HLA-DQA1: variants seen among roughly 807,000 people sequenced by gnomAD.
The protein encoded by HLA-DQA1 is major histocompatibility complex, class II, DQ alpha 1, also known as HLA class II histocompatibility antigen, DQ alpha 1 chain.
In HLA-DQA1, 10 loss-of-function variants were observed where a neutral mutation model predicts 20.7. That is an observed-to-expected ratio of 0.48 (90% CI 0.30 to 0.82). The LOEUF (loss-of-function observed/expected upper bound fraction) is 0.82. Ranked by LOEUF, HLA-DQA1 falls within the 40% of genes least tolerant of loss-of-function variation. HLA-DQA1 has a pLI of 0.07. For synonymous variants in HLA-DQA1, 39 were observed against 109.2 expected (o/e 0.36, Z 4.01); for missense variants, 127 against 293.0 (o/e 0.43, Z 4.14).
chr6:32,641,314 C>A lies in HLA-DQA1; in HGVS notation c.87C>A (p.Asp29Glu). The A allele has an allele frequency of 7.9e-7, 1 of 1,259,680 alleles. No homozygotes were observed. Among genetic ancestry groups the A allele is most frequent in the Non-Finnish European group, 1.1e-6 (1 of 908,796 alleles). The allele number at this position is 1,259,680 out of a possible 1,614,324, so 78.0% of individuals were successfully genotyped here. A position where few individuals can be genotyped will look rare whatever the true frequency, so the allele number is the denominator to read the frequency against. The change falls in exon 2 of 5, where the codon GAC (aspartate) becomes GAA (glutamate). Residue 29 changes from aspartate (D) to glutamate (E), a missense_variant. Coordinates refer to ENST00000343139, the MANE Select transcript of HLA-DQA1 (RefSeq NM_002122.5). ...CTTGTCATCTTCACTCATCAGCTGA[C>A]CACGTTGCCTCTTGTGGTGTAAACT... ...SPCGGEDIVA[D>E]HVASCGVNLY...
At chr6:32,649,449 A>G (rs1264988727), downstream of HLA-DQA1, among the ~76,000 whole-genome samples, 2 of 97,396 alleles carry the variant, frequency 2.1e-5, 1 homozygote, top group Non-Finnish European at 4.6e-5. Flanking sequence ...CTACAAGGCT[A>G]CAGTAACCAA....
chr6:32,653,002 C>G, the HLA-DQA1 span, among the ~76,000 whole-genome samples: 1 of 148,996 alleles, frequency 6.7e-6, no homozygotes, highest in Admixed American at 6.7e-5. Context: ...TACCCCCACA[C>G]TGACCAGTCA....
downstream of HLA-DQA1, among the ~76,000 whole-genome samples, chr6:32,651,506 C>T (rs1414770666): frequency 6.6e-5 from 5 of 75,652 alleles, 2 homozygotes; most frequent in African/African-American, 1.4e-4. Flanking sequence ...ATGGCGTGAA[C>T]GCGGGAGGTG....
rs1038057918 is a variant in HLA-DQA1, at chr6:32,638,429, T to C, written c.82+889T>C. Among the ~76,000 whole-genome samples the C allele has an allele frequency of 4.4e-5, 5 of 114,938 alleles. 1 individual carries two copies. The highest frequency in any genetic ancestry group is 3.0e-4 in the Admixed American group (3 of 10,078). The allele number at this position is 114,938 out of a possible 152,430, so 75.4% of individuals were successfully genotyped here. A position where few individuals can be genotyped will look rare whatever the true frequency, so the allele number is the denominator to read the frequency against. ...GCTCATGCCTGTAATCCCAGCACTT[T>C]GGGAGGCCGAGGCAGGAGGATCATT... On this transcript the variant is annotated intron_variant, in intron 1 of 4. Coordinates refer to ENST00000343139, the MANE Select transcript of HLA-DQA1 (RefSeq NM_002122.5).
intron 1 of HLA-DQA1, among the ~76,000 whole-genome samples, chr6:32,641,058 G>A (rs1233218763): frequency 8.9e-6 from 1 of 112,256 alleles, no homozygotes; most frequent in Non-Finnish European, 2.0e-5. Context: ...CAGGCACTCA[G>A]GAAATAGTAA....
chr6:32,647,178 T>C (rs1398586354), downstream of HLA-DQA1: 3 of 100,962 alleles, frequency 3.0e-5, no homozygotes, highest in Non-Finnish European at 4.5e-5. Flanking sequence ...TTTTAAAACA[T>C]GGTACTCAGC....
chr6:32,641,101 G>A (rs1237987737), intron 1 of HLA-DQA1, among the ~76,000 whole-genome samples: 1 of 114,100 alleles, frequency 8.8e-6, no homozygotes. Flanking sequence ...CCCTTGTGTA[G>A]CGCACACTAG....
the HLA-DQA1 span, among the ~76,000 whole-genome samples, chr6:32,652,743 CT>C: frequency 0.55 from 76,310 of 138,506 alleles, 21,848 homozygotes; most frequent in Middle Eastern, 0.69. Flanking sequence ...ATGTCAATAA[CT>C]TTCATCTTCT....
the HLA-DQA1 span, among the ~76,000 whole-genome samples, chr6:32,653,420 C>T: frequency 2.1e-5 from 2 of 94,524 alleles, 1 homozygote; most frequent in Admixed American, 2.6e-4. Context: ...TGTGCCACCA[C>T]ACCCAGCTAA....
downstream of HLA-DQA1, chr6:32,644,858 T>G (rs1389403447): frequency 7.4e-6 from 1 of 135,658 alleles, no homozygotes; most frequent in Admixed American, 7.8e-5. Context: ...CCATAAGTGT[T>G]TATTCAAGGT....
chr6:32,642,458 C>T lies in HLA-DQA1; in HGVS notation c.614-152C>T, dbSNP rs190001251. The T allele has an allele frequency of 2.7e-5, 19 of 695,810 alleles. 6 individuals carry two copies. In the East Asian group the frequency reaches 5.6e-4, roughly 20 times the overall value. 43.1% of individuals were successfully genotyped at this position (695,810 alleles called of 1,614,324 possible). On this transcript the variant is annotated intron_variant, in intron 3 of 4. Coordinates refer to ENST00000343139, the MANE Select transcript of HLA-DQA1 (RefSeq NM_002122.5). ...ACTCTACAGGATGGGAGTGGGCCTG[C>T]CACTTCATGGTTTTCTAATGATAGA...
the HLA-DQA1 span, among the ~76,000 whole-genome samples, chr6:32,653,223 T>C: frequency 7.2e-6 from 1 of 139,634 alleles, no homozygotes; most frequent in African/African-American, 2.7e-5. Context: ...TGAGAATACA[T>C]ATATATTCAT....
chr6:32,651,573 G>A (rs1782189896), downstream of HLA-DQA1, among the ~76,000 whole-genome samples: 2 of 26,286 alleles, frequency 7.6e-5, 1 homozygote, highest in Non-Finnish European at 1.5e-4. Context: ...GTCAGAGCGC[G>A]ATTCCGTCTC....
chr6:32,643,525 G>T lies in HLA-DQA1; in HGVS notation c.*594G>T. ...GGCAACAATGAAATTAATGGATACC[G>T]TCTGCCCTTGGCCCAGAATTGTTAT... On this transcript the variant is annotated 3_prime_UTR_variant, in exon 5 of 5. Coordinates refer to ENST00000343139, the MANE Select transcript of HLA-DQA1 (RefSeq NM_002122.5). The T allele has an allele frequency of 6.0e-6, 1 of 166,008 alleles. No individual in the cohort carries two copies. Among genetic ancestry groups the T allele is most frequent in the South Asian group, 1.3e-4 (1 of 7,694 alleles). 10.3% of individuals were successfully genotyped at this position (166,008 alleles called of 1,614,324 possible). A position where few individuals can be genotyped will look rare whatever the true frequency, so the allele number is the denominator to read the frequency against.
chr6:32,638,778 AAGAC>A lies in HLA-DQA1; in HGVS notation c.82+1242_82+1245del, dbSNP rs1225097149. 14 of 111,180 alleles carry A rather than the reference AAGAC, an allele frequency of 1.3e-4. 2 individuals are homozygous for A. The South Asian group carries it at 1.3e-3, about 10-fold the overall frequency. 6.9% of individuals were successfully genotyped at this position (111,180 alleles called of 1,614,324 possible). ...GAAGGGAGGAAGGAAGGGAAAAAGA[AAGAC>A]AGAAAGAAAGAGGAAGGAAGGAAGA... On this transcript the variant is annotated intron_variant, in intron 1 of 4. Coordinates refer to ENST00000343139, the MANE Select transcript of HLA-DQA1 (RefSeq NM_002122.5).
At chr6:32,639,110 C>G in intron 1 of HLA-DQA1, 1 of 227,216 alleles carries the variant, frequency 4.4e-6, no homozygotes, top group Non-Finnish European at 8.8e-6. Flanking sequence ...CGCTTGGCGT[C>G]TTTGTTCCAA....
chr6:32,644,095 A>C (rs1248754088), downstream of HLA-DQA1: 1 of 151,930 alleles, frequency 6.6e-6, no homozygotes, highest in Non-Finnish European at 1.5e-5. Flanking sequence ...TAAGGAAAGC[A>C]TGAGCTTATG....
chr6:32,646,615 G>T (rs9273273), downstream of HLA-DQA1: 23 of 45,384 alleles, frequency 5.1e-4, 1 homozygote, highest in East Asian at 2.3e-3. Context: ...AATGAAATAT[G>T]TCAGGTTTGT....
chr6:32,638,012 C>T (rs9272479), intron 1 of HLA-DQA1, among the ~76,000 whole-genome samples: 17,591 of 109,068 alleles, frequency 0.16, 3,897 homozygotes, highest in Non-Finnish European at 0.17. Context: ...CAGACTTACT[C>T]ACATTTCCAC....
Sources: gnomAD v4.1 joint callset for allele counts (sites outside exome capture counted in the v4.1 genomes callset) on GRCh38, gnomAD v4.1.1 for gene constraint, MANE v1.5 for transcripts, NCBI Gene and HGNC (gene_info 2026-07-23, HGNC 2026-07-21) for gene names.